RAD21L1: variants seen among roughly 807,000 people sequenced by gnomAD.
The protein encoded by RAD21L1 is RAD21 cohesin complex component like 1, also known as double-strand-break repair protein rad21-like protein 1.
Under a neutral mutation model 69.0 loss-of-function variants are expected in RAD21L1, and 47 were observed. The ratio of observed to expected loss-of-function variants is 0.68; its 90% CI spans 0.54 to 0.87. RAD21L1 has a LOEUF of 0.87. Ranked by LOEUF, RAD21L1 falls within the 40% of genes least tolerant of loss-of-function variation. RAD21L1 has a pLI of 0.00. For missense variants in RAD21L1, 583 were observed against 647.6 expected (o/e 0.90, Z 1.08); for synonymous variants, 177 against 205.8 (o/e 0.86, Z 1.20).
rs372922564 is a variant in RAD21L1, at chr20:1,255,042, G to C, written c.*585G>C. The stretch of plus-strand genomic sequence containing the variant: ...TTATTTCTACACAGACTATTTGGTT[G>C]CAACGTATATCATACTTGATTTGAC... On this transcript the variant is annotated 3_prime_UTR_variant, in exon 14 of 14. Transcript: ENST00000683101. Among the ~76,000 whole-genome samples the C allele has an allele frequency of 4.8e-4, 73 of 152,244 alleles. 1 individual carries two copies. Among genetic ancestry groups the C allele is most frequent in the African/African-American group, 1.6e-3 (65 of 41,536 alleles).
chr20:1,242,763 T>G lies in RAD21L1; in HGVS notation c.1001T>G (p.Leu334Trp). Residue 334 changes from leucine (L) to tryptophan (W), a missense_variant, in exon 9 of 14, where the codon TTG becomes TGG. Physicochemically the swap from Leu to Trp is moderately conservative, Grantham distance 61. Coordinates refer to ENST00000683101, the MANE Select transcript of RAD21L1 (RefSeq NM_001384355.1). ...VLELAPPTQRLMMWKKRGGVH... is the reference protein window; with the variant it reads ...VLELAPPTQRWMMWKKRGGVH... ...GAACTTGCACCTCCTACCCAAAGAT[T>G]GATGATGTGGAAGAAGAGGGGAGGA... 1.9e-6 allele frequency: 3 copies of G among 1,551,560 alleles called. No individual in the cohort carries two copies. The highest frequency in any genetic ancestry group is 2.6e-6 in the Non-Finnish European group (3 of 1,146,914).
Position 1,246,284 on chromosome 20 carries a change from T to C in RAD21L1, c.1380T>C (p.Ile460=), listed in dbSNP as rs199586798. The change falls in exon 12 of 14, where the codon ATT becomes ATC. Residue 460 remains isoleucine, a synonymous_variant. Coordinates refer to ENST00000683101, the MANE Select transcript of RAD21L1 (RefSeq NM_001384355.1). The surrounding 1 kb of genome is among the most constrained non-coding windows in gnomAD (Gnocchi z 4.6). ...SLMNDLFAQE[I]EYSPVELESL... is the part of the protein sequence containing the mutation. ...TGAATGACTTATTTGCACAAGAAAT[T>C]GAATATAGTCCAGTTGAATTGGTAA... is the stretch of plus-strand genomic sequence containing the variant. The C allele has an allele frequency of 4.9e-4, 739 of 1,523,356 alleles. No individual in the cohort carries two copies. Among genetic ancestry groups the C allele is most frequent in the Non-Finnish European group, 6.2e-4 (698 of 1,127,736 alleles). The allele number at this position is 1,523,356 out of a possible 1,614,324, so 94.4% of individuals were successfully genotyped here. A position where few individuals can be genotyped will look rare whatever the true frequency, so the allele number is the denominator to read the frequency against.
At chr20:1,234,056 GT>G in intron 4 of RAD21L1, 28 bp from the exon 5 acceptor site, 1 of 1,064,876 alleles carries the variant, frequency 9.4e-7, no homozygotes, top group Admixed American at 2.3e-5. Flanking sequence ...CTGTTCTCAT[GT>G]TTTTCTCAAC....
At chr20:1,241,144 T>C (rs2087599510) in intron 8 of RAD21L1, among the ~76,000 whole-genome samples, 1 of 152,206 alleles carries the variant, frequency 6.6e-6, no homozygotes, top group South Asian at 2.1e-4. Context: ...AATTTTAAAC[T>C]AAGTTCAATT....
chr20:1,230,103 G>A (rs552212230), intron 3 of RAD21L1, 94 bp downstream of exon 3: 3 of 857,476 alleles, frequency 3.5e-6, no homozygotes, highest in Admixed American at 2.8e-5. Flanking sequence ...CTAGTATGGT[G>A]AATGTAAACT....
At chr20:1,248,045 C>CAAAAAAAAA (rs71327497) in intron 12 of RAD21L1, among the ~76,000 whole-genome samples, 41 of 71,902 alleles carry the variant, frequency 5.7e-4, no homozygotes, top group South Asian at 6.0e-4. Context: ...CCTTAAATAC[C>CAAAAAAAAA]AAAAAAAAAA....
chr20:1,248,215 GA>G (rs1363525214), intron 12 of RAD21L1, among the ~76,000 whole-genome samples: 1 of 152,002 alleles, frequency 6.6e-6, no homozygotes, highest in African/African-American at 2.4e-5. Context: ...GATAAGTTCA[GA>G]TAAAGGCCTT....
intron 13 of RAD21L1, 58 bp from the exon 14 acceptor site, chr20:1,254,211 C>A: frequency 9.9e-6 from 12 of 1,215,562 alleles, no homozygotes; most frequent in Non-Finnish European, 1.3e-5. Flanking sequence ...TTATAGCCGG[C>A]TTTACTTCTA....
chr20:1,235,390 C>T (rs1218001825), intron 5 of RAD21L1, among the ~76,000 whole-genome samples: 1 of 151,960 alleles, frequency 6.6e-6, no homozygotes, highest in African/African-American at 2.4e-5. Context: ...GGTGAAGGAC[C>T]AGTTTTCTAA....
chr20:1,226,778 C>T (rs6078233), intron 1 of RAD21L1, among the ~76,000 whole-genome samples: 7,381 of 152,192 alleles, frequency 0.048, 252 homozygotes, highest in South Asian at 0.14. Context: ...AGTTTGTGTG[C>T]GTATTTTGTG....
At chr20:1,239,715 C>T (rs2087567977) in intron 7 of RAD21L1, among the ~76,000 whole-genome samples, 1 of 152,124 alleles carries the variant, frequency 6.6e-6, no homozygotes, top group Non-Finnish European at 1.5e-5. Context: ...TGATAATCTA[C>T]ATACAATTTG....
intron 12 of RAD21L1, among the ~76,000 whole-genome samples, 185 bp from the exon 13 acceptor site, chr20:1,248,441 A>G (rs1474851695): frequency 1.3e-5 from 2 of 152,242 alleles, no homozygotes; most frequent in Admixed American, 6.5e-5. Flanking sequence ...GTAATTGTGC[A>G]AAGGTGGTTT....
At chr20:1,229,111 T>C (rs979122726) in intron 2 of RAD21L1, among the ~76,000 whole-genome samples, 2 of 152,260 alleles carry the variant, frequency 1.3e-5, no homozygotes, top group Non-Finnish European at 2.9e-5. Context: ...AAGCCTATGG[T>C]GTGTTAGGCA....
At chr20:1,243,076 C>G in intron 9 of RAD21L1, 21 bp from the exon 10 acceptor site, 2 of 1,443,634 alleles carry the variant, frequency 1.4e-6, no homozygotes, top group Non-Finnish European at 1.9e-6. Context: ...ACAAAAAAAA[C>G]AAAAATGTGT....
At chr20:1,226,293 G>A (rs953859402) in intron 1 of RAD21L1, 153 bp downstream of exon 1, 9 of 152,186 alleles carry the variant, frequency 5.9e-5, no homozygotes, top group African/African-American at 2.2e-4. Context: ...TCCCGCCTGA[G>A]GAAGAAAGGT....
At chr20:1,243,320 A>T (rs952303987) in intron 10 of RAD21L1, 124 bp downstream of exon 10, 1 of 543,814 alleles carries the variant, frequency 1.8e-6, no homozygotes, top group Admixed American at 3.7e-5. Context: ...CTAACTCTGG[A>T]AGAGTAGTGG....
chr20:1,250,295 G>A (rs2087802492), intron 13 of RAD21L1, among the ~76,000 whole-genome samples: 1 of 147,792 alleles, frequency 6.8e-6, no homozygotes, highest in African/African-American at 2.5e-5. Flanking sequence ...GGGTACATGT[G>A]CACAACGTGC....
In RAD21L1 at chr20:1,255,613, T is replaced by C. The variant is rs901799093; in HGVS notation, c.*1156T>C. Among the ~76,000 whole-genome samples, 1 of 152,252 alleles carries C rather than the reference T, an allele frequency of 6.6e-6. No individual in the cohort carries two copies. Among genetic ancestry groups the C allele is most frequent in the Admixed American group, 6.5e-5 (1 of 15,282 alleles). ...ATTAACATACAGAAAATTTGACTTC[T>C]TAATTTTGGTGCACAGTTCTGTGAA... On this transcript the variant is annotated 3_prime_UTR_variant, in exon 14 of 14. Coordinates refer to ENST00000683101, the MANE Select transcript of RAD21L1 (RefSeq NM_001384355.1).
At chr20:1,234,277 T>G in intron 5 of RAD21L1, 86 bp downstream of exon 5, 2 of 675,438 alleles carry the variant, frequency 3.0e-6, no homozygotes, top group Non-Finnish European at 5.3e-6. Flanking sequence ...TAGACGTAGC[T>G]ATAGAATGAA....
Sources: gnomAD v4.1 joint callset for allele counts (sites outside exome capture counted in the v4.1 genomes callset) on GRCh38, gnomAD v4.1.1 for gene constraint, Gnocchi (gnomAD v3.1) non-coding constraint, MANE v1.5 for transcripts, NCBI Gene and HGNC (gene_info 2026-07-23, HGNC 2026-07-21) for gene names.